Variants in RAD51B observed in about 807,000 individuals in gnomAD.
RAD51B encodes RAD51 paralog B.
A neutral mutation model predicts 42.2 loss-of-function variants in RAD51B; 38 were observed. That is an observed-to-expected ratio of 0.90 (90% CI 0.70 to 1.18). RAD51B has a LOEUF of 1.18. Among genes scored for constraint, RAD51B ranks in the 50% most tolerant of loss-of-function variants. RAD51B has a pLI of 0.00. For synonymous variants in RAD51B, 154 were observed against 145.2 expected (o/e 1.06, Z -0.43); for missense variants, 373 against 400.7 (o/e 0.93, Z 0.59).
At chr14:67,933,967 G>T (rs114251162) in intron 7 of RAD51B, among the ~76,000 whole-genome samples, 262 of 152,260 alleles carry the variant, frequency 1.7e-3, no homozygotes, top group African/African-American at 6.1e-3. Flanking sequence ...AATAAATAAA[G>T]TCAATATACA....
chr14:68,272,665 A>AT (rs71412311), intron 7 of RAD51B, among the ~76,000 whole-genome samples: 1 of 12,476 alleles, frequency 8.0e-5, no homozygotes, highest in Non-Finnish European at 1.4e-4. Flanking sequence ...ATATATATAT[A>AT]TTTTTTTTTT....
In RAD51B at chr14:68,411,529, TGGGTGCTTTG is replaced by T. The variant is rs1566867610; in HGVS notation, c.957+3_957+12del. On this transcript the variant is annotated splice_donor_5th_base_variant and intron_variant, in intron 9 of 10. Transcript: ENST00000471583. ...TACCTTGATTCAGAGAGAAGACAGG[TGGGTGCTTTG>T]ACAGTATTCTCTGACTATGAAGGTC... The T allele has an allele frequency of 6.2e-7, 1 of 1,612,634 alleles. No individual in the cohort carries two copies. Among genetic ancestry groups the T allele is most frequent in the Non-Finnish European group, 8.5e-7 (1 of 1,178,916 alleles).
At chr14:68,250,837 T>C (rs1028349432) in intron 7 of RAD51B, among the ~76,000 whole-genome samples, 2 of 152,088 alleles carry the variant, frequency 1.3e-5, no homozygotes, top group African/African-American at 4.8e-5. Flanking sequence ...TATCAGAAAA[T>C]GCAAGACTGC....
chr14:68,463,290 A>G (rs1283469509), intron 9 of RAD51B, among the ~76,000 whole-genome samples: 1 of 152,216 alleles, frequency 6.6e-6, no homozygotes, highest in Admixed American at 6.5e-5. Flanking sequence ...GGCAAGCATC[A>G]CTTTTTTTCC....
intron 7 of RAD51B, among the ~76,000 whole-genome samples, chr14:67,977,850 A>G (rs1566988938): frequency 1.3e-5 from 2 of 152,234 alleles, no homozygotes; most frequent in African/African-American, 4.8e-5. Context: ...TGGGAAATAA[A>G]GCTCCAGTTC....
chr14:68,059,441 T>A (rs915816034), intron 7 of RAD51B, among the ~76,000 whole-genome samples: 3 of 152,224 alleles, frequency 2.0e-5, no homozygotes, highest in Non-Finnish European at 4.4e-5. Flanking sequence ...CTACTCTCTC[T>A]CATGTCTTCC....
intron 5 of RAD51B, among the ~76,000 whole-genome samples, chr14:67,871,679 A>G (rs1173143486): frequency 6.6e-6 from 1 of 152,160 alleles, no homozygotes; most frequent in Non-Finnish European, 1.5e-5. Flanking sequence ...ATTGATGCAA[A>G]AATCCTCAAT....
At chr14:67,923,449 G>A (rs770864751) in intron 7 of RAD51B, among the ~76,000 whole-genome samples, 1 of 151,862 alleles carries the variant, frequency 6.6e-6, no homozygotes, top group African/African-American at 2.4e-5. Context: ...ACAGTCATGT[G>A]CCACCACGCC....
chr14:68,498,974 T>C (rs1884734447), intron 10 of RAD51B, among the ~76,000 whole-genome samples: 1 of 152,010 alleles, frequency 6.6e-6, no homozygotes, highest in African/African-American at 2.4e-5. Flanking sequence ...AAGGAGGAAA[T>C]AGACAACAGG....
chr14:67,984,079 CAG>C (rs1270427728), intron 7 of RAD51B, among the ~76,000 whole-genome samples: 1 of 152,040 alleles, frequency 6.6e-6, no homozygotes, highest in Non-Finnish European at 1.5e-5. Flanking sequence ...GCTGGGACAA[CAG>C]GGGCGTGCCA....
intron 7 of RAD51B, among the ~76,000 whole-genome samples, chr14:67,978,305 G>A (rs2075031268): frequency 6.6e-6 from 1 of 152,092 alleles, no homozygotes; most frequent in African/African-American, 2.4e-5. Context: ...TAAAGTTCTT[G>A]ATTCTTACCT....
chr14:68,189,642 G>A (rs980191445), intron 7 of RAD51B, among the ~76,000 whole-genome samples: 1 of 151,920 alleles, frequency 6.6e-6, no homozygotes, highest in Non-Finnish European at 1.5e-5. Flanking sequence ...TAGAAAAAAA[G>A]CAACTACCCC....
At chr14:68,274,541 G>A (rs894752703) in intron 7 of RAD51B, among the ~76,000 whole-genome samples, 2 of 152,120 alleles carry the variant, frequency 1.3e-5, no homozygotes. Context: ...TCCTTTTACA[G>A]TTGATTAGTT....
intron 7 of RAD51B, among the ~76,000 whole-genome samples, chr14:68,138,731 C>A (rs2078061766): frequency 6.6e-6 from 1 of 152,116 alleles, no homozygotes. Flanking sequence ...GTAAAATTAT[C>A]TTTTTAAAAA....
chr14:67,847,107 C>T (rs769876845), intron 4 of RAD51B, among the ~76,000 whole-genome samples: 1 of 152,036 alleles, frequency 6.6e-6, no homozygotes, highest in Non-Finnish European at 1.5e-5. Flanking sequence ...TGCAGGGTTC[C>T]CAGTTTCTTC....
At chr14:67,977,359 G>A (rs2075014701) in intron 7 of RAD51B, among the ~76,000 whole-genome samples, 1 of 152,222 alleles carries the variant, frequency 6.6e-6, no homozygotes, top group Non-Finnish European at 1.5e-5. Context: ...AGGACAGTTT[G>A]GAACTACATT....
chr14:68,660,056 C>T (rs1312233137), intron 11 of RAD51B, among the ~76,000 whole-genome samples: 4 of 152,210 alleles, frequency 2.6e-5, no homozygotes, highest in Admixed American at 6.5e-5. Context: ...CCATGGATTA[C>T]GAACTCAAAT....
intron 10 of RAD51B, among the ~76,000 whole-genome samples, chr14:68,586,707 A>C (rs1462607927): frequency 6.6e-6 from 1 of 152,212 alleles, no homozygotes; most frequent in East Asian, 1.9e-4. Flanking sequence ...CCCCTTTAAA[A>C]GTTGGCTCCT....
intron 10 of RAD51B, among the ~76,000 whole-genome samples, chr14:68,485,514 G>A (rs1442767949): frequency 1.3e-5 from 2 of 152,072 alleles, no homozygotes. Flanking sequence ...CCTTCCACCA[G>A]TCTTTGGAGT....
Sources: allele counts gnomAD v4.1 joint callset (sites outside exome capture counted in the v4.1 genomes callset), GRCh38; gene constraint gnomAD v4.1.1; transcripts MANE v1.5; gene names NCBI Gene and HGNC (gene_info 2026-07-23, HGNC 2026-07-21).